P2RX5: variants seen among roughly 807,000 people sequenced by gnomAD.
The protein encoded by P2RX5 is P2X purinoceptor 5.
In P2RX5, 46 loss-of-function variants were observed where a neutral mutation model predicts 54.1. That is an observed-to-expected ratio of 0.85 (90% CI 0.67 to 1.09). The LOEUF is 1.09. Among genes scored for constraint, P2RX5 ranks in the 50% least tolerant of loss-of-function variants. The pLI, the probability that P2RX5 is intolerant of heterozygous loss-of-function variation, is 0.00. For missense variants in P2RX5, 566 were observed against 549.8 expected (o/e 1.03, Z -0.29); for synonymous variants, 226 against 226.4 (o/e 1.00, Z 0.02).
chr17:3,720,613 G>A, the P2RX5 span: 5 of 376,800 alleles, frequency 1.3e-5, no homozygotes, highest in South Asian at 6.1e-5. Flanking sequence ...ATGGAGTTTC[G>A]CTCTTTCGCC....
Position 3,690,717 on chromosome 17 carries a change from C to A in P2RX5, c.361-37G>T, listed in dbSNP as rs369402567. 8.1e-6 allele frequency: 13 copies of A among 1,600,992 alleles called. No individual in the cohort carries two copies. In the African/African-American group the frequency reaches 1.7e-4, roughly 21 times the overall value. On this transcript the variant is annotated intron_variant, in intron 3 of 11. Coordinates refer to ENST00000225328, the MANE Select transcript of P2RX5 (RefSeq NM_002561.4). ...GAAGGGGCACCTGGATGGGGGGGTT[C>A]CCCCAGCTCAGAGCCGGGTCCCACT... is the stretch of plus-strand genomic sequence containing the variant.
intron 9 of P2RX5, among the ~76,000 whole-genome samples, chr17:3,685,043 T>A (rs1234646669): frequency 6.6e-6 from 1 of 151,954 alleles, no homozygotes; most frequent in Non-Finnish European, 1.5e-5. Context: ...GCAGGGTTTC[T>A]CCATGTTGGT....
intron 1 of P2RX5, among the ~76,000 whole-genome samples, chr17:3,693,886 G>A (rs1022976177): frequency 6.6e-6 from 1 of 151,634 alleles, no homozygotes; most frequent in Non-Finnish European, 1.5e-5. Flanking sequence ...GAGTGCACTG[G>A]TGCGAGTAGC....
At position 3,690,590 on chromosome 17, in the gene P2RX5, G is replaced by T; in HGVS notation, c.436+15C>A. On this transcript the variant is annotated intron_variant, in intron 4 of 11. Coordinates refer to ENST00000225328, the MANE Select transcript of P2RX5 (RefSeq NM_002561.4). ...CCGAGTCCTCCTTCAGCCCGTGGCC[G>T]CTCCAGGCCCTCACCGTTTCCAGCT... 1 of 1,613,174 alleles carries T rather than the reference G, an allele frequency of 6.2e-7. No individual in the cohort carries two copies. The highest frequency in any genetic ancestry group is 2.2e-5 in the East Asian group (1 of 44,874).
At chr17:3,714,862 G>C in the P2RX5 span, 4 of 1,605,394 alleles carry the variant, frequency 2.5e-6, 1 homozygote, top group South Asian at 4.4e-5. Flanking sequence ...TCTCTTCTTC[G>C]AGCAGATTCT....
At chr17:3,679,838 C>T (rs2050189731) in intron 10 of P2RX5, 54 bp from the exon 11 acceptor site, 8 of 1,496,876 alleles carry the variant, frequency 5.3e-6, no homozygotes, top group Non-Finnish European at 7.4e-6. Context: ...TGCCTCCCCT[C>T]CTAGACGGGC....
At chr17:3,710,794 G>A in the P2RX5 span, among the ~76,000 whole-genome samples, 1 of 151,828 alleles carries the variant, frequency 6.6e-6, no homozygotes, top group Non-Finnish European at 1.5e-5. Context: ...TGGGCGTGGC[G>A]GCATGCACCT....
chr17:3,710,596 G>A, the P2RX5 span, among the ~76,000 whole-genome samples: 1 of 151,684 alleles, frequency 6.6e-6, no homozygotes, highest in East Asian at 1.9e-4. Flanking sequence ...AAATGTATTA[G>A]AGATGTGCAC....
upstream of P2RX5, among the ~76,000 whole-genome samples, chr17:3,699,922 GAAAGAA>G (rs1567744404): frequency 7.0e-4 from 45 of 64,356 alleles, no homozygotes; most frequent in African/African-American, 2.1e-3. Flanking sequence ...AGGAAGGAAA[GAAAGAA>G]AGAAAGAAAG....
the P2RX5 span, chr17:3,716,580 C>A: frequency 1.5e-6 from 1 of 687,802 alleles, no homozygotes; most frequent in South Asian, 1.8e-5. Context: ...AAAGTGGCCA[C>A]GAGGCCAGGG....
In P2RX5 at chr17:3,691,733, T is replaced by C. The variant is rs1375658874; in HGVS notation, c.199A>G (p.Ile67Val). Residue 67 changes from isoleucine (I) to valine (V), a missense_variant, in exon 2 of 12, where the codon ATC becomes GTC. By Grantham distance (29) the Ile-to-Val change is conservative (BLOSUM62 3). Coordinates refer to ENST00000225328, the MANE Select transcript of P2RX5 (RefSeq NM_002561.4). ...DVDTSLQSAV[I>V]TKVKGVAFTN... is the part of the protein sequence containing the mutation. ...AAGGCCACGCCCTTGACTTTGGTGATGACAGCACTCTGCAGGGAGGTGTCG... is the reference window on the plus strand; with the variant it reads ...AAGGCCACGCCCTTGACTTTGGTGACGACAGCACTCTGCAGGGAGGTGTCG... 3.1e-6 allele frequency: 5 copies of C among 1,614,128 alleles called. No individual in the cohort carries two copies. The African/African-American group carries it at 4.0e-5, about 13-fold the overall frequency.
At chr17:3,691,174 T>C in intron 2 of P2RX5, 147 bp from the exon 3 acceptor site, 1 of 674,584 alleles carries the variant, frequency 1.5e-6, no homozygotes, top group Non-Finnish European at 2.7e-6. Flanking sequence ...GCCCATCTGC[T>C]CATGGACCCC....
chr17:3,689,869 C>T (rs1204866810), intron 6 of P2RX5, among the ~76,000 whole-genome samples: 4 of 151,912 alleles, frequency 2.6e-5, no homozygotes, highest in Admixed American at 6.5e-5. Flanking sequence ...CACGCACACA[C>T]GCGAACACAC....
intron 11 of P2RX5, chr17:3,675,240 A>G (rs920915990): frequency 2.3e-6 from 1 of 433,016 alleles, no homozygotes; most frequent in Non-Finnish European, 3.1e-6. Context: ...GGGTTTCACC[A>G]TGTTGCCCAG....
intron 11 of P2RX5, among the ~76,000 whole-genome samples, chr17:3,674,422 C>T (rs1284865802): frequency 6.6e-6 from 1 of 151,732 alleles, no homozygotes; most frequent in African/African-American, 2.4e-5. Context: ...GAGCTGGGGG[C>T]TGTGCAAAAA....
chr17:3,702,050 G>A, the P2RX5 span, among the ~76,000 whole-genome samples: 1 of 152,148 alleles, frequency 6.6e-6, no homozygotes, highest in Non-Finnish European at 1.5e-5. Flanking sequence ...AAGTGCTGGT[G>A]AGAGATCAAG....
At chr17:3,676,542 A>T in intron 11 of P2RX5, 4 of 985,348 alleles carry the variant, frequency 4.1e-6, no homozygotes, top group Non-Finnish European at 4.8e-6. Flanking sequence ...AGGGTGGGGG[A>T]GGAAGCCTCT....
chr17:3,689,896 ACGCACACATGCACACAGACACATGCACG>A, intron 6 of P2RX5, among the ~76,000 whole-genome samples, 146 bp downstream of exon 6: 1 of 152,008 alleles, frequency 6.6e-6, no homozygotes. Context: ...ACACAAACGC[ACGCACACATGCACACAGACACATGCACG>A]CGCACACACG....
At chr17:3,690,291 C>T (rs1052563410) in intron 5 of P2RX5, 136 bp downstream of exon 5, 63 of 1,120,810 alleles carry the variant, frequency 5.6e-5, no homozygotes, top group African/African-American at 3.5e-4. Flanking sequence ...CTGGGGAGGC[C>T]GTCGGGCCTC....
Sources: gnomAD v4.1 joint callset for allele counts (sites outside exome capture counted in the v4.1 genomes callset) on GRCh38, gnomAD v4.1.1 for gene constraint, MANE v1.5 for transcripts, NCBI Gene and HGNC (gene_info 2026-07-23, HGNC 2026-07-21) for gene names.